TBL1X: variants seen among roughly 807,000 people sequenced by gnomAD.
TBL1X encodes the protein transducin beta like 1 X-linked.
TBL1X carries 10 observed loss-of-function variants against 50.7 expected under a neutral mutation model. The ratio of observed to expected loss-of-function variants is 0.20; its 90% CI spans 0.12 to 0.33. The LOEUF is 0.33. TBL1X is among the 10% of genes least tolerant of loss of function. The probability of loss-of-function intolerance (pLI) is 1.00; values close to 1 mark genes in which losing one functional copy is unlikely to be tolerated. For synonymous variants in TBL1X, 190 were observed against 214.7 expected (o/e 0.88, Z 1.01); for missense variants, 340 against 504.4 (o/e 0.67, Z 3.12).
At chrX:9,491,828 A>G (rs1419558402) in intron 1 of TBL1X, among the ~76,000 whole-genome samples, 2 of 110,953 alleles carry the variant, frequency 1.8e-5, no homozygotes, top group African/African-American at 6.6e-5. Flanking sequence ...TGTTTTGGTG[A>G]TTGAAATGTT....
chrX:9,523,033 CTCT>C (rs961175073), intron 2 of TBL1X, among the ~76,000 whole-genome samples: 2 of 111,714 alleles, frequency 1.8e-5, no homozygotes, highest in African/African-American at 6.5e-5. Context: ...TCTCTCTCAC[CTCT>C]GTCTTCTATT....
chrX:9,575,248 C>T, intron 2 of TBL1X, among the ~76,000 whole-genome samples: 1 of 111,027 alleles, frequency 9.0e-6, no homozygotes. Flanking sequence ...AAACCCGCCC[C>T]CATGACCCAA....
At chrX:9,704,554 T>C (rs1475733643) in intron 12 of TBL1X, among the ~76,000 whole-genome samples, 1 of 111,612 alleles carries the variant, frequency 9.0e-6, no homozygotes, top group African/African-American at 3.3e-5. Flanking sequence ...AGAAAGAGAC[T>C]GTGTTCACGC....
At chrX:9,491,304 ATT>A (rs2081940182) in intron 1 of TBL1X, among the ~76,000 whole-genome samples, 4 of 40,266 alleles carry the variant, frequency 9.9e-5, no homozygotes, top group Non-Finnish European at 1.2e-4. Context: ...TGGCCAGTAT[ATT>A]TATATATATA....
At chrX:9,633,877 C>T (rs1357124135) in intron 2 of TBL1X, among the ~76,000 whole-genome samples, 3 of 111,619 alleles carry the variant, frequency 2.7e-5, no homozygotes, top group Non-Finnish European at 5.6e-5. Flanking sequence ...GTATCCTCAT[C>T]TGCACGGGCA....
At chrX:9,527,253 C>T (rs952574298) in intron 2 of TBL1X, among the ~76,000 whole-genome samples, 1 of 111,663 alleles carries the variant, frequency 9.0e-6, no homozygotes, top group Non-Finnish European at 1.9e-5. Flanking sequence ...CTACTCACCA[C>T]GGGAGTTTAT....
At chrX:9,586,339 C>T (rs765056801) in intron 2 of TBL1X, among the ~76,000 whole-genome samples, 9 of 112,276 alleles carry the variant, frequency 8.0e-5, no homozygotes, top group African/African-American at 1.3e-4. Flanking sequence ...TATCACATGC[C>T]GCAATTTTGT....
chrX:9,605,435 A>G (rs1475715663), intron 2 of TBL1X, among the ~76,000 whole-genome samples: 1 of 112,719 alleles, frequency 8.9e-6, no homozygotes, highest in Non-Finnish European at 1.9e-5. Context: ...AGGTAGATCT[A>G]TTCTTCTGTG....
intron 2 of TBL1X, among the ~76,000 whole-genome samples, chrX:9,514,450 T>C (rs1395212005): frequency 8.9e-6 from 1 of 111,976 alleles, no homozygotes; most frequent in Non-Finnish European, 1.9e-5. Flanking sequence ...CAGTTAGTTT[T>C]TATTGACCTT....
chrX:9,591,835 C>A lies in TBL1X; in HGVS notation c.-130-48438C>A, dbSNP rs2082501813. Among the ~76,000 whole-genome samples, 3 of 111,946 alleles carry A rather than the reference C, an allele frequency of 2.7e-5. No homozygotes were observed. In the Admixed American group the frequency reaches 2.8e-4, roughly 11 times the overall value. ...CATAGGGTACCTCCAGGAATTTTTC[C>A]CCTGGGCAGTAGGGGCAGAGAAAGG... On this transcript the variant is annotated intron_variant, in intron 2 of 17. Coordinates refer to ENST00000645353, the MANE Select transcript of TBL1X (RefSeq NM_005647.4).
At chrX:9,491,409 C>T (rs1281250193) in intron 1 of TBL1X, among the ~76,000 whole-genome samples, 2 of 96,507 alleles carry the variant, frequency 2.1e-5, no homozygotes, top group Admixed American at 1.2e-4. Flanking sequence ...GGCATGATCT[C>T]GGCTCACTGC....
chrX:9,515,556 T>A (rs1737934560), intron 2 of TBL1X, among the ~76,000 whole-genome samples: 1 of 112,185 alleles, frequency 8.9e-6, no homozygotes, highest in African/African-American at 3.2e-5. Context: ...TCCAGGAATC[T>A]GGACATGCAC....
chrX:9,486,699 C>G (rs1206764146), intron 1 of TBL1X, among the ~76,000 whole-genome samples: 3 of 109,259 alleles, frequency 2.7e-5, no homozygotes, highest in African/African-American at 6.7e-5. Flanking sequence ...TGTATAAAAC[C>G]AAGCTATGCC....
intron 2 of TBL1X, among the ~76,000 whole-genome samples, chrX:9,553,431 C>T (rs1246230716): frequency 8.9e-6 from 1 of 112,011 alleles, no homozygotes. Context: ...CATCGAGAAC[C>T]TAAGAGAGTG....
Position 9,691,606 on chromosome X carries a change from A to T in TBL1X, c.644A>T (p.Asp215Val). Reference sequence around the variant, plus strand: ...AATCACGCGAAGCCAATGGAAATAGATGGAGAGGTTGAGATTCCATCCAGC... The same window carrying T: ...AATCACGCGAAGCCAATGGAAATAGTTGGAGAGGTTGAGATTCCATCCAGC... ...VNNHAKPMEI[D>V]GEVEIPSSKA... The change falls in exon 8 of 18, where the codon GAT becomes GTT. Residue 215 changes from aspartate to valine, a missense_variant. Coordinates refer to ENST00000645353, the MANE Select transcript of TBL1X (RefSeq NM_005647.4). 1 of 1,211,051 alleles carries T rather than the reference A, an allele frequency of 8.3e-7. No homozygotes were observed. Among genetic ancestry groups the T allele is most frequent in the Non-Finnish European group, 1.1e-6 (1 of 895,283 alleles).
chrX:9,467,200 A>G (rs1244572106), intron 1 of TBL1X, among the ~76,000 whole-genome samples: 4 of 112,100 alleles, frequency 3.6e-5, no homozygotes, highest in African/African-American at 1.3e-4. Flanking sequence ...TCACCTTTTA[A>G]GGTGACGAAC....
Position 9,715,222 on chromosome X carries a change from A to T in TBL1X, c.1707+219A>T, listed in dbSNP as rs753951182. Among the ~76,000 whole-genome samples, 7 of 111,930 alleles carry T rather than the reference A, an allele frequency of 6.3e-5. No homozygotes were observed. In the South Asian group the frequency reaches 2.6e-3, roughly 42 times the overall value. On this transcript the variant is annotated intron_variant, in intron 17 of 17. Transcript: ENST00000645353. Reference sequence around the variant, plus strand: ...CTTCTAGTCAACATTTTCTCAGTCAAATTGGTGGTTCTCAACCAGGGTGAT... The same window carrying T: ...CTTCTAGTCAACATTTTCTCAGTCATATTGGTGGTTCTCAACCAGGGTGAT...
chrX:9,481,937 A>C (rs1453749929), intron 1 of TBL1X, among the ~76,000 whole-genome samples: 2 of 112,501 alleles, frequency 1.8e-5, no homozygotes, highest in Non-Finnish European at 3.8e-5. Context: ...AGGTATAGTA[A>C]GAATAAAACT....
rs1020950188 is a variant in TBL1X at position 9,490,209 on chromosome X, A to G, written c.-200-11571A>G. 2.7e-5 allele frequency among the ~76,000 whole-genome samples: 3 copies of G among 111,187 alleles called. No homozygotes were observed. The Admixed American group carries it at 2.9e-4, about 11-fold the overall frequency. ...TAGTCTTGAACTCCTGGGCTCAAGC[A>G]GTCCTCCCACCTCGGCCTCCCAAAG... On this transcript the variant is annotated intron_variant, in intron 1 of 17. Coordinates refer to ENST00000645353, the MANE Select transcript of TBL1X (RefSeq NM_005647.4).
Sources: gnomAD v4.1 joint callset for allele counts (sites outside exome capture counted in the v4.1 genomes callset) on GRCh38, gnomAD v4.1.1 for gene constraint, MANE v1.5 for transcripts, NCBI Gene and HGNC (gene_info 2026-07-23, HGNC 2026-07-21) for gene names.